DNAH9: variants seen among roughly 807,000 people sequenced by gnomAD.
DNAH9 encodes the protein dynein axonemal heavy chain 9.
A neutral mutation model predicts 471.6 loss-of-function variants in DNAH9; 345 were observed. That is an observed-to-expected ratio of 0.73 (90% CI 0.67 to 0.80). The LOEUF (loss-of-function observed/expected upper bound fraction) is 0.80. Among genes scored for constraint, DNAH9 ranks in the 30% least tolerant of loss-of-function variants. The pLI, the probability that DNAH9 is intolerant of heterozygous loss-of-function variation, is 0.00. For missense variants in DNAH9, 5,407 were observed against 5,609.2 expected (o/e 0.96, Z 1.15); for synonymous variants, 2,093 against 2,123.6 (o/e 0.99, Z 0.40).
rs185844891 is a variant in DNAH9 at position 11,623,130 on chromosome 17, T to G, written c.1350+3349T>G. 6.6e-6 allele frequency among the ~76,000 whole-genome samples: 1 copy of G among 151,908 alleles called. No homozygotes were observed. Among genetic ancestry groups the G allele is most frequent in the Non-Finnish European group, 1.5e-5 (1 of 67,968 alleles). On this transcript the variant is annotated intron_variant, in intron 6 of 68. Coordinates refer to ENST00000262442, the MANE Select transcript of DNAH9 (RefSeq NM_001372.4). The surrounding 1 kb of genome is among the most constrained non-coding windows in gnomAD (Gnocchi z 4.1). ...CTGGGATTACAGGCATGTGCCACCATGCCTGGTTAATTTTTGTATTTTTAG... is the reference window on the plus strand; with the variant it reads ...CTGGGATTACAGGCATGTGCCACCAGGCCTGGTTAATTTTTGTATTTTTAG...
intron 61 of DNAH9, among the ~76,000 whole-genome samples, chr17:11,910,768 T>C (rs2151019398): frequency 6.6e-6 from 1 of 152,362 alleles, no homozygotes; most frequent in South Asian, 2.1e-4. Flanking sequence ...GGTAGCTCAC[T>C]GTGGTTTGGA....
At chr17:11,838,974 G>A (rs1194039109) in intron 49 of DNAH9, among the ~76,000 whole-genome samples, 1 of 152,088 alleles carries the variant, frequency 6.6e-6, no homozygotes, top group African/African-American at 2.4e-5. Context: ...AATCAGAGGT[G>A]GGTAGTAAGT....
At chr17:11,920,028 G>A (rs1567900396) in intron 61 of DNAH9, among the ~76,000 whole-genome samples, 1 of 129,778 alleles carries the variant, frequency 7.7e-6, no homozygotes, top group African/African-American at 3.0e-5. Context: ...ATGGAGCTAA[G>A]TTCTTTCTTT....
intron 30 of DNAH9, among the ~76,000 whole-genome samples, chr17:11,742,836 TG>T (rs2075451852): frequency 6.6e-6 from 1 of 152,236 alleles, no homozygotes; most frequent in Non-Finnish European, 1.5e-5. Flanking sequence ...CAAGCTTCCC[TG>T]GGCTGTCCCC....
rs1967746481 is a variant in DNAH9, at chr17:11,762,770, G to GTTGTTGT, written c.6996-668_6996-667insGTTGTTT. 4.7e-3 allele frequency among the ~76,000 whole-genome samples: 425 copies of GTTGTTGT among 90,744 alleles called. 15 individuals are homozygous for GTTGTTGT. The highest frequency in any genetic ancestry group is 7.2e-3 in the Middle Eastern group (1 of 138). 59.5% of individuals were successfully genotyped at this position (90,744 alleles called of 152,430 possible). A position where few individuals can be genotyped will look rare whatever the true frequency, so the allele number is the denominator to read the frequency against. On this transcript the variant is annotated intron_variant, in intron 35 of 68. Coordinates refer to ENST00000262442, the MANE Select transcript of DNAH9 (RefSeq NM_001372.4). ...CCTCTTTAGGTGCGTTTTTTTTTTT[G>GTTGTTGT]TTTTTTTTTTTTTTTTTTTTTTTTT... is the stretch of plus-strand genomic sequence containing the variant.
In DNAH9 at chr17:11,821,991, A is replaced by G. The variant is rs1597695987; in HGVS notation, c.8779A>G (p.Ser2927Gly). Residue 2927 changes from serine to glycine, a missense_variant, in exon 46 of 69, where the codon AGC becomes GGC. This residue lies in a region of DNAH9 where 4,636 missense variants were observed against 4,900.3 expected (regional missense o/e 0.95). Coordinates refer to ENST00000262442, the MANE Select transcript of DNAH9 (RefSeq NM_001372.4). ...IISNVRNEVKSQGLVDNRENC... is the reference protein window; with the variant it reads ...IISNVRNEVKGQGLVDNRENC... The stretch of plus-strand genomic sequence containing the variant: ...AAGCAATGTGAGGAATGAAGTCAAG[A>G]GCCAGGGTCTGGTTGACAACAGAGA... 5 of 1,614,186 alleles carry G rather than the reference A, an allele frequency of 3.1e-6. No homozygotes were observed. The East Asian group carries it at 8.9e-5, about 29-fold the overall frequency.
At chr17:11,737,551 G>C (rs1206629238) in intron 28 of DNAH9, among the ~76,000 whole-genome samples, 4 of 152,170 alleles carry the variant, frequency 2.6e-5, no homozygotes, top group African/African-American at 9.7e-5. Flanking sequence ...GGGCTAGCCT[G>C]AAAGTGTGTC....
intron 38 of DNAH9, among the ~76,000 whole-genome samples, chr17:11,773,172 C>A (rs192136297): frequency 2.0e-5 from 3 of 152,284 alleles, no homozygotes; most frequent in East Asian, 1.9e-4. Flanking sequence ...TTCATGAACC[C>A]GTTAACTCAT....
chr17:11,719,482 G>A lies in DNAH9; in HGVS notation c.5701G>A (p.Asp1901Asn). 1.2e-6 allele frequency: 2 copies of A among 1,603,766 alleles called. No homozygotes were observed. The highest frequency in any genetic ancestry group is 1.7e-6 in the Non-Finnish European group (2 of 1,173,226). The change falls in exon 27 of 69, where the codon GAT becomes AAT. Residue 1901 changes from aspartate (D) to asparagine (N), a missense_variant. By Grantham distance (23) the Asp-to-Asn change is conservative (BLOSUM62 1). Transcript: ENST00000262442. Reference sequence around the variant, plus strand: ...TGTGTTCAACTGCTCGGAGCAGATGGATTACAAGGTACAGTTCCACCCGGC... The same window carrying A: ...TGTGTTCAACTGCTCGGAGCAGATGAATTACAAGGTACAGTTCCACCCGGC... Reference protein sequence around the residue: ...VYVFNCSEQMDYKSCGNIYKG... With the variant: ...VYVFNCSEQMNYKSCGNIYKG...
At chr17:11,697,629 T>C (rs918398623) in intron 22 of DNAH9, among the ~76,000 whole-genome samples, 1 of 152,188 alleles carries the variant, frequency 6.6e-6, no homozygotes, top group African/African-American at 2.4e-5. Context: ...CATTTATCTG[T>C]ATATTTTTTC....
intron 17 of DNAH9, among the ~76,000 whole-genome samples, chr17:11,677,976 T>A (rs1392811525): frequency 6.7e-6 from 1 of 150,222 alleles, no homozygotes; most frequent in Non-Finnish European, 1.5e-5. Flanking sequence ...TTTAGATTGC[T>A]CTCTATTATT....
At chr17:11,702,959 G>A (rs1597504706) in intron 24 of DNAH9, among the ~76,000 whole-genome samples, 1 of 152,156 alleles carries the variant, frequency 6.6e-6, no homozygotes, top group East Asian at 1.9e-4. Flanking sequence ...CAGGCGTGGT[G>A]GTGGGCACCT....
rs199622210 is a variant in DNAH9, at chr17:11,843,865, A to G, written c.9507+8967A>G. 3.2e-3 allele frequency among the ~76,000 whole-genome samples: 155 copies of G among 47,966 alleles called. 5 individuals carry two copies. The highest frequency in any genetic ancestry group is 5.9e-3 in the East Asian group (3 of 510). 31.5% of individuals were successfully genotyped at this position (47,966 alleles called of 152,430 possible). A position where few individuals can be genotyped will look rare whatever the true frequency, so the allele number is the denominator to read the frequency against. On this transcript the variant is annotated intron_variant, in intron 49 of 68. Transcript: ENST00000262442. ...TTTGTGTGTGTGTGTGTGTGTGTGTATATATATATATATATATATATATAT... is the reference window on the plus strand; with the variant it reads ...TTTGTGTGTGTGTGTGTGTGTGTGTGTATATATATATATATATATATATAT...
chr17:11,627,693 C>A (rs183612903), intron 6 of DNAH9, among the ~76,000 whole-genome samples: 1 of 152,218 alleles, frequency 6.6e-6, no homozygotes, highest in Non-Finnish European at 1.5e-5. Context: ...TGGCATCTGT[C>A]TTCCCTGCCT....
At position 11,669,190 on chromosome 17, in the gene DNAH9, T is replaced by C. The variant is rs770134523; in HGVS notation, c.2858T>C (p.Ile953Thr). The change falls in exon 16 of 69, where the codon ATC becomes ACC. Residue 953 changes from isoleucine to threonine, a missense_variant. Coordinates refer to ENST00000262442, the MANE Select transcript of DNAH9 (RefSeq NM_001372.4). The part of the protein sequence containing the change: ...GGFCDIVEGL[I>T]TSIFRIPSLV... The stretch of plus-strand genomic sequence containing the variant: ...TTCTGTGACATTGTTGAGGGTCTCA[T>C]CACCAGCATTTTTAGGATACCATCT... 3.7e-6 allele frequency: 6 copies of C among 1,613,992 alleles called. No homozygotes were observed. The highest frequency in any genetic ancestry group is 5.1e-6 in the Non-Finnish European group (6 of 1,179,914).
At chr17:11,893,117 T>C (rs1306813773) in intron 58 of DNAH9, among the ~76,000 whole-genome samples, 5 of 140,502 alleles carry the variant, frequency 3.6e-5, no homozygotes, top group Non-Finnish European at 7.6e-5. Context: ...AGTGTTGCTT[T>C]GCCTCACCCC....
chr17:11,943,245 TG>T (rs1234837133), intron 67 of DNAH9, among the ~76,000 whole-genome samples: 1 of 152,142 alleles, frequency 6.6e-6, no homozygotes, highest in East Asian at 1.9e-4. Flanking sequence ...AGACAAGCCC[TG>T]GAAGTCCAGG....
In DNAH9 at chr17:11,626,124, C is replaced by T. The variant is rs1411556868; in HGVS notation, c.1351-3293C>T. On this transcript the variant is annotated intron_variant, in intron 6 of 68. Transcript: ENST00000262442. The surrounding 1 kb of genome is among the most constrained non-coding windows in gnomAD (Gnocchi z 4.3). ...TCTGGCCCTAGATCCTAGGCTCTTT[C>T]CACAATGCCATATGTTGTGTCTCTG... Among the ~76,000 whole-genome samples the T allele has an allele frequency of 6.6e-6, 1 of 152,110 alleles. No homozygotes were observed. Among genetic ancestry groups the T allele is most frequent in the Admixed American group, 6.5e-5 (1 of 15,272 alleles).
chr17:11,669,577 G>A lies in DNAH9; in HGVS notation c.3136G>A (p.Asp1046Asn). The change falls in exon 17 of 69, where the codon GAT (aspartate) becomes AAT (asparagine). Residue 1046 changes from aspartate (D) to asparagine (N), a missense_variant. Around this residue, in one of 3 missense-constraint regions of DNAH9, gnomAD observed 4,636 missense variants for 4,900.3 expected, o/e 0.95. Transcript: ENST00000262442. Reference sequence around the variant, plus strand: ...GGAAGAAATTGAAGACCATGTGGAAGATGGCATCCCAGAGAACCCTCCCCT... The same window carrying A: ...GGAAGAAATTGAAGACCATGTGGAAAATGGCATCCCAGAGAACCCTCCCCT... ...TPEEIEDHVE[D>N]GIPENPPLLS... The A allele has an allele frequency of 6.2e-7, 1 of 1,614,162 alleles. No homozygotes were observed. Among genetic ancestry groups the A allele is most frequent in the Non-Finnish European group, 8.5e-7 (1 of 1,180,034 alleles).
Sources: gnomAD v4.1 joint callset for allele counts (sites outside exome capture counted in the v4.1 genomes callset) on GRCh38, gnomAD v4.1.1 for gene constraint, gnomAD v4.1.1 regional missense constraint, Gnocchi (gnomAD v3.1) non-coding constraint, MANE v1.5 for transcripts, NCBI Gene and HGNC (gene_info 2026-07-23, HGNC 2026-07-21) for gene names.